The following GPR176 variants were observed in gnomAD, a reference collection of about 807,000 sequenced individuals.
GPR176 encodes the protein G-protein coupled receptor 176.
GPR176 carries 26 observed loss-of-function variants against 35.4 expected under a neutral mutation model. The observed-to-expected ratio is 0.74, with a 90% CI of 0.54 to 1.02. GPR176 has a LOEUF of 1.02. GPR176 is among the 50% of genes least tolerant of loss of function. GPR176 has a pLI of 0.00. For synonymous variants in GPR176, 278 were observed against 271.3 expected, an observed-to-expected ratio of 1.02 and a Z score of -0.24; for missense variants, 597 against 665.3, an observed-to-expected ratio of 0.90 and a Z score of 1.13.
chr15:39,913,307 A>C (rs927571584), intron 1 of GPR176, among the ~76,000 whole-genome samples: 2 of 152,090 alleles, frequency 1.3e-5, no homozygotes, highest in African/African-American at 4.8e-5. Flanking sequence ...CACTTCGGGA[A>C]GCTGAGGTTG....
intron 1 of GPR176, among the ~76,000 whole-genome samples, chr15:39,844,309 T>C (rs1004370430): frequency 2.0e-5 from 3 of 152,118 alleles, no homozygotes; most frequent in African/African-American, 7.2e-5. Context: ...GGAATCTGTA[T>C]TTAATATGCT....
At chr15:39,870,165 T>C (rs1017070684) in intron 1 of GPR176, among the ~76,000 whole-genome samples, 2 of 152,202 alleles carry the variant, frequency 1.3e-5, no homozygotes, top group Non-Finnish European at 2.9e-5. Context: ...CTCCTCCTTC[T>C]GTAGTCAAAT....
intron 1 of GPR176, among the ~76,000 whole-genome samples, chr15:39,864,135 C>T (rs541671454): frequency 6.6e-6 from 1 of 152,268 alleles, no homozygotes; most frequent in African/African-American, 2.4e-5. Flanking sequence ...TGGTTTCCTA[C>T]CAGATGCTGC....
At chr15:39,829,128 G>T in intron 1 of GPR176, 1 of 1,444,750 alleles carries the variant, frequency 6.9e-7, no homozygotes, top group Non-Finnish European at 9.4e-7. Context: ...TCAGACAGAA[G>T]CAGTTGAACT....
At chr15:39,818,671 A>G (rs575112471) in intron 1 of GPR176, among the ~76,000 whole-genome samples, 1 of 152,356 alleles carries the variant, frequency 6.6e-6, no homozygotes, top group South Asian at 2.1e-4. Flanking sequence ...AGCACGATCA[A>G]AACAAAACTA....
intron 1 of GPR176, among the ~76,000 whole-genome samples, chr15:39,899,539 C>A (rs1422298720): frequency 6.6e-6 from 1 of 152,088 alleles, no homozygotes; most frequent in Non-Finnish European, 1.5e-5. Context: ...AAGAAAGGAA[C>A]CAGAAGCCTG....
At chr15:39,863,558 C>A (rs8027511) in intron 1 of GPR176, among the ~76,000 whole-genome samples, 16,220 of 151,998 alleles carry the variant, frequency 0.11, 1,283 homozygotes, top group East Asian at 0.23. Flanking sequence ...AAAGAAAGAA[C>A]ATTTCAAAAA....
intron 1 of GPR176, among the ~76,000 whole-genome samples, chr15:39,870,373 T>C (rs1566957486): frequency 1.3e-5 from 2 of 152,164 alleles, no homozygotes; most frequent in Admixed American, 6.5e-5. Context: ...AGGGGGGCTA[T>C]AGCAACTCCA....
intron 1 of GPR176, among the ~76,000 whole-genome samples, chr15:39,872,878 T>C (rs545321586): frequency 1.3e-5 from 2 of 151,680 alleles, no homozygotes; most frequent in South Asian, 4.2e-4. Context: ...CAATTCAACA[T>C]GAGATTTTGG....
At chr15:39,857,620 T>C (rs1197428340) in intron 1 of GPR176, among the ~76,000 whole-genome samples, 3 of 150,978 alleles carry the variant, frequency 2.0e-5, no homozygotes, top group Non-Finnish European at 4.4e-5. Context: ...CAGTGAGCCG[T>C]GATTGCACCA....
intron 1 of GPR176, among the ~76,000 whole-genome samples, chr15:39,903,738 T>G (rs991371482): frequency 1.3e-5 from 2 of 152,052 alleles, no homozygotes; most frequent in African/African-American, 4.8e-5. Context: ...CATCATGAAT[T>G]TTAAGTAGGG....
chr15:39,849,549 A>G (rs1362577544), intron 1 of GPR176, among the ~76,000 whole-genome samples: 1 of 152,192 alleles, frequency 6.6e-6, no homozygotes, highest in Non-Finnish European at 1.5e-5. Flanking sequence ...ATAGAATTCA[A>G]CAATACTTTA....
chr15:39,829,127 A>G, intron 1 of GPR176: 1 of 1,444,818 alleles, frequency 6.9e-7, no homozygotes, highest in Non-Finnish European at 9.4e-7. Context: ...TTCAGACAGA[A>G]GCAGTTGAAC....
chr15:39,809,229 C>T (rs1443530063), intron 1 of GPR176, among the ~76,000 whole-genome samples: 1 of 152,184 alleles, frequency 6.6e-6, no homozygotes, highest in African/African-American at 2.4e-5. Context: ...GCTAAATAGT[C>T]CTATGTTCTT....
At chr15:39,831,993 T>C (rs1181168183) in intron 1 of GPR176, among the ~76,000 whole-genome samples, 1 of 113,852 alleles carries the variant, frequency 8.8e-6, no homozygotes, top group East Asian at 2.2e-4. Context: ...CACATGTGCA[T>C]GCACACACAC....
At chr15:39,880,961 G>T (rs1390344577) in intron 1 of GPR176, among the ~76,000 whole-genome samples, 1 of 152,104 alleles carries the variant, frequency 6.6e-6, no homozygotes, top group Admixed American at 6.5e-5. Flanking sequence ...ACATAAACCT[G>T]TCCTTATCAC....
chr15:39,876,803 C>A (rs2032264684), intron 1 of GPR176, among the ~76,000 whole-genome samples: 1 of 150,280 alleles, frequency 6.7e-6, no homozygotes, highest in Non-Finnish European at 1.5e-5. Flanking sequence ...TACTCCAGAG[C>A]CAGACCCTGT....
intron 1 of GPR176, among the ~76,000 whole-genome samples, chr15:39,852,031 A>G (rs920849465): frequency 1.3e-5 from 2 of 152,184 alleles, no homozygotes; most frequent in Admixed American, 6.5e-5. Context: ...AGGCAACAAT[A>G]ACCTACTGAA....
intron 1 of GPR176, among the ~76,000 whole-genome samples, chr15:39,817,844 A>T (rs1021566483): frequency 6.6e-6 from 1 of 152,262 alleles, no homozygotes; most frequent in African/African-American, 2.4e-5. Flanking sequence ...GGGAACCAAC[A>T]TTAAACAACT....
Sources: allele counts gnomAD v4.1 joint callset (sites outside exome capture counted in the v4.1 genomes callset), GRCh38; gene constraint gnomAD v4.1.1; transcripts MANE v1.5; gene names NCBI Gene and HGNC (gene_info 2026-07-23, HGNC 2026-07-21).